Variants in SLC9A2 observed in about 807,000 individuals in gnomAD.
SLC9A2 encodes the protein sodium/hydrogen exchanger 2.
SLC9A2 carries 42 observed loss-of-function variants against 71.7 expected under a neutral mutation model. The observed-to-expected ratio is 0.59, with a 90% CI of 0.46 to 0.76. The LOEUF is 0.76. Ranked by LOEUF, SLC9A2 falls within the 30% of genes least tolerant of loss-of-function variation. The pLI is 0.00. For synonymous variants in SLC9A2, 396 were observed against 392.5 expected, an observed-to-expected ratio of 1.01 and a Z score of -0.10; for missense variants, 829 against 1,017.4, an observed-to-expected ratio of 0.81 and a Z score of 2.52.
chr2:102,625,312 A>C (rs951393240), intron 1 of SLC9A2, among the ~76,000 whole-genome samples: 1 of 152,176 alleles, frequency 6.6e-6, no homozygotes, highest in Non-Finnish European at 1.5e-5. Context: ...CTTTAAAATA[A>C]TAGATTTTTT....
At chr2:102,681,367 C>T (rs781685262) in intron 3 of SLC9A2, among the ~76,000 whole-genome samples, 3 of 152,156 alleles carry the variant, frequency 2.0e-5, no homozygotes, top group Non-Finnish European at 4.4e-5. Context: ...CCACCATGCC[C>T]GGCCCAGTAC....
intron 1 of SLC9A2, among the ~76,000 whole-genome samples, chr2:102,654,195 CTTTTTTTTTTTTT>C (rs34248413): frequency 1.1e-5 from 1 of 89,528 alleles, no homozygotes; most frequent in Admixed American, 1.3e-4. Context: ...TTGGCTGACT[CTTTTTTTTTTTTT>C]TTTTTTTTTT....
chr2:102,658,778 G>A (rs1456744761), intron 2 of SLC9A2, among the ~76,000 whole-genome samples: 4 of 151,932 alleles, frequency 2.6e-5, no homozygotes, highest in Non-Finnish European at 5.9e-5. Flanking sequence ...TTGAGAGAAG[G>A]GATGAGAAAG....
At chr2:102,704,346 A>G (rs1483336543) in intron 9 of SLC9A2, among the ~76,000 whole-genome samples, 198 bp from the exon 10 acceptor site, 1 of 152,164 alleles carries the variant, frequency 6.6e-6, no homozygotes, top group African/African-American at 2.4e-5. Context: ...CAAAATGAAA[A>G]GAAAATATAA....
rs970008457 is a variant in SLC9A2 at position 102,697,915 on chromosome 2, A to G, written c.1586+2802A>G. On this transcript the variant is annotated intron_variant, in intron 7 of 11. Transcript: ENST00000233969. ...TTGAGAATGAAACGAAGGGTGATAC[A>G]GTAGGGACCCTTCTCACTCTTGGCA... Among the ~76,000 whole-genome samples, 8 of 152,076 alleles carry G rather than the reference A, an allele frequency of 5.3e-5. No homozygotes were observed. The South Asian group carries it at 1.7e-3, about 32-fold the overall frequency.
At position 102,657,769 on chromosome 2, in the gene SLC9A2, C is replaced by T; in HGVS notation, c.495C>T (p.Asn165=). ...YFMPTRPFFE[N]IGTIFWYAVV... is the part of the protein sequence containing the mutation. Reference sequence around the variant, plus strand: ...TGCCCACTCGCCCATTCTTTGAGAACATTGGCACGATTTTCTGGTATGCTG... The same window carrying T: ...TGCCCACTCGCCCATTCTTTGAGAATATTGGCACGATTTTCTGGTATGCTG... The change falls in exon 2 of 12, where the codon AAC becomes AAT. Residue 165 remains asparagine, a synonymous_variant. Coordinates refer to ENST00000233969, the MANE Select transcript of SLC9A2 (RefSeq NM_003048.6). The T allele has an allele frequency of 1.9e-6, 3 of 1,614,228 alleles. No individual in the cohort carries two copies. Among genetic ancestry groups the T allele is most frequent in the Non-Finnish European group, 2.5e-6 (3 of 1,180,034 alleles).
chr2:102,631,995 G>GATAT (rs59553931), intron 1 of SLC9A2, among the ~76,000 whole-genome samples: 33 of 43,180 alleles, frequency 7.6e-4, no homozygotes, highest in Admixed American at 1.9e-3. Flanking sequence ...TGAAAGTGGG[G>GATAT]ATATATATAT....
intron 1 of SLC9A2, among the ~76,000 whole-genome samples, chr2:102,620,426 C>A (rs1676112066): frequency 1.3e-5 from 2 of 152,354 alleles, no homozygotes; most frequent in Non-Finnish European, 2.9e-5. Flanking sequence ...TGTCAGCTCT[C>A]TGCTTAAGTT....
At chr2:102,697,930 C>T (rs1308808043) in intron 7 of SLC9A2, among the ~76,000 whole-genome samples, 1 of 151,878 alleles carries the variant, frequency 6.6e-6, no homozygotes, top group Admixed American at 6.6e-5. Context: ...GGACCCTTCT[C>T]ACTCTTGGCA....
intron 2 of SLC9A2, among the ~76,000 whole-genome samples, chr2:102,660,349 C>A (rs954571770): frequency 6.6e-6 from 1 of 152,176 alleles, no homozygotes; most frequent in African/African-American, 2.4e-5. Context: ...GAACCACTGT[C>A]GTGGTTTCAT....
At chr2:102,664,184 G>C (rs993687875) in intron 2 of SLC9A2, among the ~76,000 whole-genome samples, 21 of 151,670 alleles carry the variant, frequency 1.4e-4, no homozygotes, top group African/African-American at 4.8e-4. Context: ...GCTGAGGCAG[G>C]AGAATGGCTT....
intron 5 of SLC9A2, 30 bp from the exon 6 acceptor site, chr2:102,694,384 T>G: frequency 7.2e-6 from 7 of 969,084 alleles, no homozygotes; most frequent in South Asian, 2.7e-5. Context: ...TAAATATATA[T>G]GAAATGCTTA....
At chr2:102,670,594 C>G (rs1460457148) in intron 3 of SLC9A2, among the ~76,000 whole-genome samples, 1 of 129,804 alleles carries the variant, frequency 7.7e-6, no homozygotes, top group Non-Finnish European at 1.6e-5. Flanking sequence ...ATCCCCTCCC[C>G]CCACCAAAAA....
At chr2:102,635,090 TA>T (rs1676443143) in intron 1 of SLC9A2, among the ~76,000 whole-genome samples, 2 of 152,232 alleles carry the variant, frequency 1.3e-5, no homozygotes, top group Non-Finnish European at 2.9e-5. Flanking sequence ...GAAAGAATCT[TA>T]AAGTAAAGTG....
chr2:102,704,500 T>C (rs1677934834), intron 9 of SLC9A2, 44 bp from the exon 10 acceptor site: 1 of 1,577,856 alleles, frequency 6.3e-7, no homozygotes, highest in Admixed American at 1.7e-5. Context: ...ATGATCAGGT[T>C]TTTGTTTTTG....
chr2:102,689,330 C>G (rs895078349), intron 5 of SLC9A2, among the ~76,000 whole-genome samples: 6 of 152,138 alleles, frequency 3.9e-5, no homozygotes, highest in Admixed American at 3.9e-4. Flanking sequence ...TTGCTTGCAA[C>G]CCTAAGAAAT....
intron 1 of SLC9A2, among the ~76,000 whole-genome samples, chr2:102,642,193 C>T (rs757967717): frequency 5.9e-5 from 9 of 152,160 alleles, no homozygotes; most frequent in Non-Finnish European, 1.2e-4. Flanking sequence ...TAATGATTTA[C>T]AGGCTGTGCA....
rs1337408612 is a variant in SLC9A2, at chr2:102,708,207, C to G, written c.2157C>G (p.Phe719Leu). 1.2e-6 allele frequency: 2 copies of G among 1,614,170 alleles called. No individual in the cohort carries two copies. The highest frequency in any genetic ancestry group is 1.7e-6 in the Non-Finnish European group (2 of 1,180,028). The change falls in exon 12 of 12, where the codon TTC becomes TTG. Residue 719 changes from phenylalanine to leucine, a missense_variant. Phe to Leu is a conservative substitution (Grantham distance 22). Around this residue, in one of 3 missense-constraint regions of SLC9A2, gnomAD observed 223 missense variants for 197.5 expected, o/e 1.13. Coordinates refer to ENST00000233969, the MANE Select transcript of SLC9A2 (RefSeq NM_003048.6). ...PRARRFLPEQ[F>L]SKKSPQSYKM... ...CCAGGCGCTTCTTGCCAGAACAGTT[C>G]TCCAAGAAATCCCCCCAGTCCTATA...
chr2:102,665,722 C>T (rs1262556842), intron 3 of SLC9A2, among the ~76,000 whole-genome samples: 4 of 118,030 alleles, frequency 3.4e-5, no homozygotes, highest in South Asian at 2.9e-4. Context: ...TGCGGTGAGC[C>T]GAGATTGTGC....
Sources: allele counts gnomAD v4.1 joint callset (sites outside exome capture counted in the v4.1 genomes callset), GRCh38; gene constraint gnomAD v4.1.1; regional missense constraint gnomAD v4.1.1; transcripts MANE v1.5; gene names NCBI Gene and HGNC (gene_info 2026-07-23, HGNC 2026-07-21).